Variants in RBM26 observed in about 807,000 individuals in gnomAD.
The protein encoded by RBM26 is RNA binding motif protein 26.
In RBM26, 30 loss-of-function variants were observed where a neutral mutation model predicts 123.6. The observed-to-expected ratio is 0.24, with a 90% CI of 0.18 to 0.33. The LOEUF (loss-of-function observed/expected upper bound fraction) is 0.33, where lower values mean the gene tolerates loss of function less well. RBM26 is among the 10% of genes least tolerant of loss of function. The pLI, the probability that RBM26 is intolerant of heterozygous loss-of-function variation, is 1.00. For synonymous variants in RBM26, 400 were observed against 404.4 expected (o/e 0.99, Z 0.13); for missense variants, 947 against 1,203.6 (o/e 0.79, Z 3.15).
intron 1 of RBM26, among the ~76,000 whole-genome samples, chr13:79,386,541 T>C (rs758117740): frequency 2.9e-5 from 4 of 139,008 alleles, no homozygotes; most frequent in South Asian, 2.2e-4. Context: ...TAAGCCCAGA[T>C]AGTTGTGGTT....
chr13:79,401,703 CAT>C (rs1287564411), intron 1 of RBM26, among the ~76,000 whole-genome samples: 1 of 152,184 alleles, frequency 6.6e-6, no homozygotes, highest in Non-Finnish European at 1.5e-5. Flanking sequence ...GGCTCACAAA[CAT>C]GTGTCCCATT....
At chr13:79,399,177 G>A (rs2078851951) in intron 1 of RBM26, among the ~76,000 whole-genome samples, 1 of 152,084 alleles carries the variant, frequency 6.6e-6, no homozygotes, top group Non-Finnish European at 1.5e-5. Flanking sequence ...TGGAAGAACT[G>A]GAATCACACT....
chr13:79,402,248 A>G (rs1414312906), intron 1 of RBM26, among the ~76,000 whole-genome samples: 3 of 152,140 alleles, frequency 2.0e-5, no homozygotes, highest in African/African-American at 7.2e-5. Context: ...TGAGATAACA[A>G]AACATCAATC....
At chr13:79,386,419 A>AT (rs1175878419) in intron 1 of RBM26, among the ~76,000 whole-genome samples, 1 of 146,520 alleles carries the variant, frequency 6.8e-6, no homozygotes, top group African/African-American at 2.5e-5. Context: ...AAATTAAATA[A>AT]AAAAAAAAAA....
intron 7 of RBM26, 111 bp from the exon 8 acceptor site, chr13:79,366,306 C>T: frequency 2.6e-6 from 3 of 1,169,486 alleles, no homozygotes; most frequent in Non-Finnish European, 3.6e-6. Flanking sequence ...TCTACAAACA[C>T]CAAGCCCTTA....
downstream of RBM26, among the ~76,000 whole-genome samples, chr13:79,317,980 A>G (rs1213235526): frequency 6.6e-6 from 1 of 151,690 alleles, no homozygotes; most frequent in Non-Finnish European, 1.5e-5. Flanking sequence ...AAAATGATGA[A>G]TAAGACATGG....
At chr13:79,401,613 A>G (rs1230636512) in intron 1 of RBM26, among the ~76,000 whole-genome samples, 1 of 152,226 alleles carries the variant, frequency 6.6e-6, no homozygotes, top group Non-Finnish European at 1.5e-5. Context: ...TGTTGGTGAT[A>G]ATTCTAACAG....
At chr13:79,369,338 C>T (rs940786481) in intron 5 of RBM26, among the ~76,000 whole-genome samples, 3 of 151,946 alleles carry the variant, frequency 2.0e-5, no homozygotes, top group East Asian at 3.9e-4. Context: ...GTTATTTTTC[C>T]TGTGATGAAC....
At chr13:79,389,432 C>T (rs533419127) in intron 1 of RBM26, 4 of 151,812 alleles carry the variant, frequency 2.6e-5, no homozygotes, top group East Asian at 3.9e-4. Context: ...GTACTAGTTG[C>T]GTTGTTAAAG....
At chr13:79,321,673 T>C (rs942554933) in intron 21 of RBM26, among the ~76,000 whole-genome samples, 1 of 151,364 alleles carries the variant, frequency 6.6e-6, no homozygotes, top group African/African-American at 2.4e-5. Flanking sequence ...CTCAATTATA[T>C]TACCAGCTCC....
downstream of RBM26, among the ~76,000 whole-genome samples, chr13:79,317,439 C>G (rs2067256575): frequency 6.6e-6 from 1 of 151,638 alleles, no homozygotes; most frequent in African/African-American, 2.4e-5. Context: ...GACAAGGAAA[C>G]AGCCCTGGAT....
chr13:79,378,932 G>A, intron 1 of RBM26, 25 bp from the exon 2 acceptor site: 2 of 1,430,032 alleles, frequency 1.4e-6, no homozygotes, highest in Non-Finnish European at 1.9e-6. Flanking sequence ...CAATGTTGAA[G>A]AAAATTTAGC....
chr13:79,382,250 T>G (rs997563946), intron 1 of RBM26, among the ~76,000 whole-genome samples: 1 of 152,140 alleles, frequency 6.6e-6, no homozygotes, highest in African/African-American at 2.4e-5. Flanking sequence ...TTTTAAAAAT[T>G]ATCTCCATGG....
Position 79,368,999 on chromosome 13 carries a change from A to C in RBM26, c.635-9T>G, listed in dbSNP as rs745636994. ...TTTTACCAGATCCCTTTCTGCAACG[A>C]AAGATAAATGACATATAAAACTACA... On this transcript the variant is annotated splice_polypyrimidine_tract_variant and intron_variant, in intron 5 of 21. Transcript: ENST00000438737. 6.3e-6 allele frequency: 10 copies of C among 1,586,926 alleles called. No individual in the cohort carries two copies. In the East Asian group the frequency reaches 2.0e-4, roughly 32 times the overall value.
intron 1 of RBM26, among the ~76,000 whole-genome samples, chr13:79,386,613 G>T (rs2077511631): frequency 3.1e-5 from 2 of 65,394 alleles, no homozygotes; most frequent in Non-Finnish European, 6.7e-5. Context: ...AAAAAAAAAG[G>T]TGTATCTGCA....
intron 11 of RBM26, among the ~76,000 whole-genome samples, chr13:79,357,715 G>T (rs527518407): frequency 7.2e-5 from 11 of 152,044 alleles, no homozygotes; most frequent in African/African-American, 1.4e-4. Context: ...GAAAACTATT[G>T]TAAGATTGGA....
intron 1 of RBM26, 34 bp downstream of exon 1, chr13:79,405,670 C>T (rs1397286200): frequency 1.9e-5 from 28 of 1,490,318 alleles, no homozygotes; most frequent in Non-Finnish European, 2.6e-5. Context: ...CTCCCACTGC[C>T]ATCCCTGCAA....
At position 79,320,417 on chromosome 13, in the gene RBM26, A is replaced by G; in HGVS notation, c.*204T>C. On this transcript the variant is annotated 3_prime_UTR_variant, in exon 22 of 22. Coordinates refer to ENST00000438737, the MANE Select transcript of RBM26 (RefSeq NM_001366735.2). ...ATGTTTCTAGTGTGATGTCTTTAGC[A>G]ATTGTTTACTGAAGTAAAATGCAAA... The G allele has an allele frequency of 8.2e-7, 1 of 1,220,898 alleles. No individual in the cohort carries two copies. Among genetic ancestry groups the G allele is most frequent in the Non-Finnish European group, 1.0e-6 (1 of 976,212 alleles). 75.6% of individuals were successfully genotyped at this position (1,220,898 alleles called of 1,614,324 possible). A position where few individuals can be genotyped will look rare whatever the true frequency, so the allele number is the denominator to read the frequency against.
chr13:79,313,425 T>G (rs577690375), exon 5 of RBM26: 1 of 151,850 alleles, frequency 6.6e-6, no homozygotes, highest in Admixed American at 6.6e-5. Context: ...GATGACAAAG[T>G]TGCAGGTAGT....
Sources: gnomAD v4.1 joint callset for allele counts (sites outside exome capture counted in the v4.1 genomes callset) on GRCh38, gnomAD v4.1.1 for gene constraint, MANE v1.5 for transcripts, NCBI Gene and HGNC (gene_info 2026-07-23, HGNC 2026-07-21) for gene names.